The following ZNF536 variants were observed in gnomAD, a reference collection of about 807,000 sequenced individuals.
ZNF536 encodes zinc finger protein 536.
In ZNF536, 13 loss-of-function variants were observed where a neutral mutation model predicts 84.5. The ratio of observed to expected loss-of-function variants is 0.15; its 90% CI spans 0.10 to 0.24. The LOEUF is 0.24. ZNF536 is among the 10% of genes least tolerant of loss of function. The pLI is 1.00. For missense variants in ZNF536, 1,536 were observed against 1,747.5 expected (o/e 0.88, Z 2.16); for synonymous variants, 811 against 742.5 (o/e 1.09, Z -1.50).
At chr19:30,374,499 GTT>G (rs58562524) in intron 1 of ZNF536, among the ~76,000 whole-genome samples, 14 of 150,938 alleles carry the variant, frequency 9.3e-5, no homozygotes, top group South Asian at 8.4e-4. Flanking sequence ...TAAATATAGT[GTT>G]TTTTTTTAAT....
At chr19:30,704,150 G>A (rs941747854) in intron 1 of ZNF536, among the ~76,000 whole-genome samples, 1 of 152,180 alleles carries the variant, frequency 6.6e-6, no homozygotes, top group African/African-American at 2.4e-5. Flanking sequence ...TCTCTCCAAT[G>A]GGGAGCTGGC....
chr19:30,518,838 A>G (rs1163232991), intron 2 of ZNF536, among the ~76,000 whole-genome samples: 2 of 152,134 alleles, frequency 1.3e-5, no homozygotes, highest in Non-Finnish European at 2.9e-5. Context: ...GGTGATGCCC[A>G]AAAAGGAGTG....
intron 3 of ZNF536, among the ~76,000 whole-genome samples, chr19:30,535,352 G>A (rs995183768): frequency 1.3e-5 from 2 of 152,246 alleles, no homozygotes; most frequent in African/African-American, 4.8e-5. Context: ...AGTCTCCCAG[G>A]TGTCAGTGAT....
intron 1 of ZNF536, among the ~76,000 whole-genome samples, chr19:30,581,597 T>G (rs1356341957): frequency 6.6e-6 from 1 of 152,134 alleles, no homozygotes; most frequent in African/African-American, 2.4e-5. Flanking sequence ...GCTGTGTCCT[T>G]TCTTGGGAGG....
chr19:30,495,907 G>A (rs1007006708), intron 2 of ZNF536, among the ~76,000 whole-genome samples: 1 of 152,188 alleles, frequency 6.6e-6, no homozygotes, highest in African/African-American at 2.4e-5. Flanking sequence ...GTAATGGGCA[G>A]TGGATCTTAT....
At chr19:30,603,367 C>T in intron 1 of ZNF536, among the ~76,000 whole-genome samples, 1 of 152,148 alleles carries the variant, frequency 6.6e-6, no homozygotes, top group East Asian at 1.9e-4. Flanking sequence ...ACTTCTGGTA[C>T]CTGGCTTATA....
intron 1 of ZNF536, among the ~76,000 whole-genome samples, chr19:30,421,149 A>C (rs1281249654): frequency 2.6e-5 from 4 of 152,142 alleles, no homozygotes; most frequent in African/African-American, 9.7e-5. Flanking sequence ...AAGGTCAGGG[A>C]TAGGTATGTA....
At chr19:30,362,958 C>T (rs563957428) in intron 3 of ZNF536, among the ~76,000 whole-genome samples, 1 of 152,104 alleles carries the variant, frequency 6.6e-6, no homozygotes, top group East Asian at 1.9e-4. Flanking sequence ...ACTTGGGAGG[C>T]TGAGGCCAGA....
intron 2 of ZNF536, among the ~76,000 whole-genome samples, chr19:30,531,355 A>G (rs532748054): frequency 3.9e-5 from 6 of 152,150 alleles, no homozygotes; most frequent in South Asian, 4.1e-4. Context: ...CGCTATTTTT[A>G]TCTGTAATGT....
At chr19:30,329,715 G>A (rs2047148451) in intron 2 of ZNF536, among the ~76,000 whole-genome samples, 1 of 152,146 alleles carries the variant, frequency 6.6e-6, no homozygotes, top group Admixed American at 6.5e-5. Context: ...ATTTGGTGGT[G>A]CTATGTGTTC....
intron 1 of ZNF536, among the ~76,000 whole-genome samples, chr19:30,584,661 G>A (rs2047036012): frequency 6.6e-6 from 1 of 152,216 alleles, no homozygotes; most frequent in Admixed American, 6.5e-5. Context: ...GCCTTCCAGA[G>A]CAACACAGGT....
intron 3 of ZNF536, among the ~76,000 whole-genome samples, chr19:30,542,870 G>T (rs1287755504): frequency 6.6e-6 from 1 of 152,144 alleles, no homozygotes; most frequent in East Asian, 1.9e-4. Context: ...GGTGTGCAGT[G>T]GTGCAATCAT....
At chr19:30,359,936 C>T (rs925698022) in intron 3 of ZNF536, among the ~76,000 whole-genome samples, 7 of 152,198 alleles carry the variant, frequency 4.6e-5, no homozygotes, top group Non-Finnish European at 8.8e-5. Flanking sequence ...GGTATGAGGC[C>T]ACCTGCTGAG....
Position 30,366,586 on chromosome 19 carries a change from A to G in ZNF536, c.-3+14102A>G, listed in dbSNP as rs567235578. On this transcript the variant is annotated intron_variant, in intron 3 of 5. Coordinates refer to the ZNF536 transcript ENST00000585628. ...TCCTCTCTAGATCTATCATTTGTCT[A>G]TCTATCTATCTATCTATCTATCTAT... Among the ~76,000 whole-genome samples the G allele has an allele frequency of 3.4e-4, 20 of 59,152 alleles. No homozygotes were observed. The East Asian group carries it at 5.6e-3, about 16-fold the overall frequency. 38.8% of individuals were successfully genotyped at this position (59,152 alleles called of 152,430 possible).
chr19:30,426,639 C>T (rs912428419), intron 1 of ZNF536, among the ~76,000 whole-genome samples: 6 of 152,156 alleles, frequency 3.9e-5, no homozygotes, highest in Non-Finnish European at 8.8e-5. Context: ...TGAGCACCCA[C>T]GCCTTGCCCT....
At chr19:30,663,195 A>G (rs2050188266) in intron 1 of ZNF536, among the ~76,000 whole-genome samples, 1 of 151,994 alleles carries the variant, frequency 6.6e-6, no homozygotes, top group African/African-American at 2.4e-5. Flanking sequence ...ATTTCTTAGC[A>G]CATGGTAGTG....
intron 1 of ZNF536, among the ~76,000 whole-genome samples, chr19:30,698,959 G>T (rs548067535): frequency 6.6e-6 from 1 of 152,328 alleles, no homozygotes; most frequent in East Asian, 1.9e-4. Flanking sequence ...ATGCCAGTAT[G>T]ATTTGTGGAT....
chr19:30,357,809 G>A (rs528553420), intron 3 of ZNF536, among the ~76,000 whole-genome samples: 5 of 152,240 alleles, frequency 3.3e-5, no homozygotes, highest in Admixed American at 2.0e-4. Flanking sequence ...ATCACAGGCC[G>A]CTTAACTTCT....
intron 2 of ZNF536, among the ~76,000 whole-genome samples, chr19:30,450,380 CAG>C (rs988133345): frequency 1.6e-4 from 25 of 152,248 alleles, no homozygotes; most frequent in African/African-American, 6.0e-4. Context: ...GCAGAGGAAA[CAG>C]AAAGTAAAAG....
Sources: gnomAD v4.1 joint callset for allele counts (sites outside exome capture counted in the v4.1 genomes callset) on GRCh38, gnomAD v4.1.1 for gene constraint, MANE v1.5 for transcripts, NCBI Gene and HGNC (gene_info 2026-07-23, HGNC 2026-07-21) for gene names.